The following SPOP variants were observed in gnomAD, a reference collection of about 807,000 sequenced individuals.
The protein encoded by SPOP is speckle-type POZ protein.
Under a neutral mutation model 45.6 loss-of-function variants are expected in SPOP, and 11 were observed. The observed-to-expected ratio is 0.24, with a 90% CI of 0.15 to 0.40. The LOEUF (loss-of-function observed/expected upper bound fraction) is 0.40. SPOP is among the 10% of genes least tolerant of loss of function. The pLI, the probability that SPOP is intolerant of heterozygous loss-of-function variation, is 1.00. For missense variants in SPOP, 152 were observed against 465.6 expected, an observed-to-expected ratio of 0.33 and a Z score of 6.20; for synonymous variants, 166 against 166.3, an observed-to-expected ratio of 1.00 and a Z score of 0.01.
chr17:49,638,481 G>C (rs2072584341), intron 1 of SPOP, among the ~76,000 whole-genome samples: 1 of 151,930 alleles, frequency 6.6e-6, no homozygotes, highest in African/African-American at 2.4e-5. Flanking sequence ...CCCAGCTACT[G>C]GGGAGGCTGA....
chr17:49,600,608 T>C lies in SPOP; in HGVS notation c.981-86A>G. 6.7e-7 allele frequency: 1 copy of C among 1,481,534 alleles called. No individual in the cohort carries two copies. Among genetic ancestry groups the C allele is most frequent in the Non-Finnish European group, 9.3e-7 (1 of 1,070,732 alleles). 91.8% of individuals were successfully genotyped at this position (1,481,534 alleles called of 1,614,324 possible). ...CCACCTAGATAGCCTAATTTTCCAC[T>C]GTTAGGTATAAAGGGTGTCAATGCA... On this transcript the variant is annotated intron_variant, in intron 9 of 9. Coordinates refer to ENST00000504102, the MANE Select transcript of SPOP (RefSeq NM_001007228.2). This position sits in a 1 kb window ranked among gnomAD's most constrained non-coding sequence, Gnocchi z 4.2.
intron 1 of SPOP, among the ~76,000 whole-genome samples, chr17:49,647,222 C>T (rs978794406): frequency 1.4e-5 from 2 of 145,402 alleles, no homozygotes; most frequent in African/African-American, 2.5e-5. Flanking sequence ...GCTGGAGAAT[C>T]GCTTCAGCCC....
intron 1 of SPOP, among the ~76,000 whole-genome samples, chr17:49,671,983 A>ACAAAAAATT (rs1237066237): frequency 6.6e-6 from 1 of 152,088 alleles, no homozygotes; most frequent in Non-Finnish European, 1.5e-5. Context: ...TACTAAAAAT[A>ACAAAAAATT]CAAAAAATTA....
At chr17:49,635,341 A>G (rs1397877814) in intron 1 of SPOP, among the ~76,000 whole-genome samples, 2 of 152,226 alleles carry the variant, frequency 1.3e-5, no homozygotes, top group Non-Finnish European at 2.9e-5. Context: ...GTCTTAACAG[A>G]ATTTCCTGGC....
At chr17:49,633,770 C>G (rs1166862096) in intron 1 of SPOP, among the ~76,000 whole-genome samples, 2 of 152,102 alleles carry the variant, frequency 1.3e-5, no homozygotes, top group African/African-American at 4.8e-5. Flanking sequence ...CTCCCTGGAC[C>G]TTAAAAAGAC....
rs1042341294 is a variant in SPOP, at chr17:49,600,277, A to T, written c.*101T>A. 6.7e-7 allele frequency: 1 copy of T among 1,494,992 alleles called. No individual in the cohort carries two copies. Among genetic ancestry groups the T allele is most frequent in the Non-Finnish European group, 9.2e-7 (1 of 1,085,730 alleles). 92.6% of individuals were successfully genotyped at this position (1,494,992 alleles called of 1,614,324 possible). ...ATGCAGTCTCTTCCCCTCACAACAG[A>T]GTAAAAGCTCCACAGATTGCGCTGT... On this transcript the variant is annotated 3_prime_UTR_variant, in exon 10 of 10. Coordinates refer to ENST00000504102, the MANE Select transcript of SPOP (RefSeq NM_001007228.2). This position sits in a 1 kb window ranked among gnomAD's most constrained non-coding sequence, Gnocchi z 4.2.
intron 8 of SPOP, 166 bp downstream of exon 8, chr17:49,607,084 T>A (rs962528627): frequency 2.8e-6 from 2 of 707,800 alleles, no homozygotes; most frequent in Non-Finnish European, 4.5e-6. Flanking sequence ...GAATAAAAAG[T>A]GTGCTATTAA....
chr17:49,653,578 A>G (rs951454654), intron 1 of SPOP, among the ~76,000 whole-genome samples: 2 of 151,940 alleles, frequency 1.3e-5, no homozygotes, highest in Non-Finnish European at 2.9e-5. Context: ...TAGGCCCAAT[A>G]GCCTGCATGC....
In SPOP at chr17:49,600,525, AGGAGAAATGT is replaced by A; in HGVS notation, c.981-13_981-4del. The A allele has an allele frequency of 6.2e-7, 1 of 1,614,114 alleles. No homozygotes were observed. Among genetic ancestry groups the A allele is most frequent in the Non-Finnish European group, 8.5e-7 (1 of 1,179,994 alleles). ...TCTCCAAGACATCCGAAGCATGACT[AGGAGAAATGT>A]GGAGAAATGGGTTACCAAAGGGAGT... On this transcript the variant is annotated splice_region_variant and splice_polypyrimidine_tract_variant and intron_variant, in intron 9 of 9. Transcript: ENST00000504102. The surrounding 1 kb of genome is among the most constrained non-coding windows in gnomAD (Gnocchi z 4.2).
chr17:49,601,856 C>T lies in SPOP; in HGVS notation c.980+9G>A. 2.5e-6 allele frequency: 4 copies of T among 1,613,270 alleles called. No individual in the cohort carries two copies. Among genetic ancestry groups the T allele is most frequent in the Non-Finnish European group, 3.4e-6 (4 of 1,179,396 alleles). ...TTTTGAAAGAAGAACTTTGAAGATG[C>T]CAACTCACTAGTTGATGAAATCCAC... is the stretch of plus-strand genomic sequence containing the variant. On this transcript the variant is annotated intron_variant, in intron 9 of 9. Coordinates refer to ENST00000504102, the MANE Select transcript of SPOP (RefSeq NM_001007228.2).
At chr17:49,612,994 T>C (rs942624519) in intron 5 of SPOP, 2 of 152,218 alleles carry the variant, frequency 1.3e-5, no homozygotes, top group African/African-American at 4.8e-5. Flanking sequence ...TTCATTTGTT[T>C]AAAACTAGCT....
chr17:49,643,209 C>T (rs1202756725), intron 1 of SPOP, among the ~76,000 whole-genome samples: 1 of 152,184 alleles, frequency 6.6e-6, no homozygotes, highest in African/African-American at 2.4e-5. Context: ...TTGCAGCAGG[C>T]AGAGTGTGTT....
chr17:49,604,685 T>C (rs377083616), intron 8 of SPOP, among the ~76,000 whole-genome samples: 3 of 152,244 alleles, frequency 2.0e-5, no homozygotes, highest in Admixed American at 1.3e-4. Flanking sequence ...ACGCCAACTC[T>C]ACTTGTCCGC....
At chr17:49,632,298 AT>A (rs1040158938) in intron 1 of SPOP, among the ~76,000 whole-genome samples, 209 of 152,324 alleles carry the variant, frequency 1.4e-3, no homozygotes, top group African/African-American at 4.9e-3. Context: ...CCCTTCCCTG[AT>A]TAAAAATCTT....
At chr17:49,618,038 G>C (rs919097483) in intron 5 of SPOP, among the ~76,000 whole-genome samples, 1 of 152,122 alleles carries the variant, frequency 6.6e-6, no homozygotes, top group Non-Finnish European at 1.5e-5. Flanking sequence ...CTACTCAGGT[G>C]GTGATATGCC....
chr17:49,604,831 C>T (rs1048520493), intron 8 of SPOP, among the ~76,000 whole-genome samples: 8 of 152,134 alleles, frequency 5.3e-5, no homozygotes, highest in Admixed American at 1.3e-4. Flanking sequence ...AATGAAAGTC[C>T]GTTTCCCAAT....
At chr17:49,626,186 G>C (rs1358242290) in intron 1 of SPOP, among the ~76,000 whole-genome samples, 1 of 151,988 alleles carries the variant, frequency 6.6e-6, no homozygotes, top group Non-Finnish European at 1.5e-5. Flanking sequence ...CCTGAGACAA[G>C]TTTGTGACTC....
intron 5 of SPOP, chr17:49,612,713 T>G (rs542112759): frequency 1.3e-5 from 2 of 152,368 alleles, no homozygotes; most frequent in South Asian, 4.1e-4. Context: ...TAACAATTGT[T>G]GTTATGCTTC....
chr17:49,677,896 G>C (rs1451792535), intron 1 of SPOP, 37 bp downstream of exon 1: 27 of 360,654 alleles, frequency 7.5e-5, no homozygotes, highest in Non-Finnish European at 1.2e-4. Context: ...ACTCCGACAG[G>C]ACAACCCCCT....
Sources: gnomAD v4.1 joint callset for allele counts (sites outside exome capture counted in the v4.1 genomes callset) on GRCh38, gnomAD v4.1.1 for gene constraint, Gnocchi (gnomAD v3.1) non-coding constraint, MANE v1.5 for transcripts, NCBI Gene and HGNC (gene_info 2026-07-23, HGNC 2026-07-21) for gene names.